RTN4: variants seen among roughly 807,000 people sequenced by gnomAD.
The protein encoded by RTN4 is reticulon-4.
A neutral mutation model predicts 90.4 loss-of-function variants in RTN4; 32 were observed. That is an observed-to-expected ratio of 0.35 (90% CI 0.27 to 0.48). The LOEUF (loss-of-function observed/expected upper bound fraction) is 0.48, where lower values mean the gene tolerates loss of function less well. Ranked by LOEUF, RTN4 falls within the 20% of genes least tolerant of loss-of-function variation. RTN4 has a pLI of 0.99. For synonymous variants in RTN4, 629 were observed against 552.5 expected (o/e 1.14, Z -1.94); for missense variants, 1,706 against 1,430.2 (o/e 1.19, Z -3.11).
chr2:55,135,695 G>A, the RTN4 span, among the ~76,000 whole-genome samples: 4 of 151,962 alleles, frequency 2.6e-5, no homozygotes, highest in African/African-American at 9.7e-5. Flanking sequence ...GAACATCTCC[G>A]TCAACCCCAA....
chr2:55,098,468 T>A (rs1368645805), intron 1 of RTN4, among the ~76,000 whole-genome samples: 2 of 152,084 alleles, frequency 1.3e-5, no homozygotes, highest in Admixed American at 1.3e-4. Context: ...CAACGCAGGG[T>A]CAATTCTCTT....
At chr2:55,132,138 C>T in the RTN4 span, among the ~76,000 whole-genome samples, 1 of 152,122 alleles carries the variant, frequency 6.6e-6, no homozygotes, top group South Asian at 2.1e-4. Flanking sequence ...AATGGCAGTA[C>T]GTTAATTGCT....
chr2:55,121,427 G>A, the RTN4 span, among the ~76,000 whole-genome samples: 2 of 152,350 alleles, frequency 1.3e-5, no homozygotes, highest in Middle Eastern at 3.4e-3. Flanking sequence ...CTCAAGAGAC[G>A]TCAGCCCAAG....
At chr2:55,068,074 A>G (rs1261231371) in intron 2 of RTN4, among the ~76,000 whole-genome samples, 1 of 152,216 alleles carries the variant, frequency 6.6e-6, no homozygotes, top group African/African-American at 2.4e-5. Context: ...GTATATGAAG[A>G]AAATTTGGCC....
intron 3 of RTN4, among the ~76,000 whole-genome samples, chr2:54,992,796 G>A (rs577288225): frequency 2.0e-5 from 3 of 152,064 alleles, no homozygotes; most frequent in South Asian, 2.1e-4. Context: ...ATGGCCGGGC[G>A]TGGTGGCTCA....
intron 3 of RTN4, among the ~76,000 whole-genome samples, chr2:55,009,095 A>G (rs1449578799): frequency 6.6e-6 from 1 of 152,178 alleles, no homozygotes; most frequent in Non-Finnish European, 1.5e-5. Flanking sequence ...ACAAATTTTT[A>G]AAAAGACATT....
chr2:55,001,516 T>C (rs1679851148), intron 3 of RTN4, among the ~76,000 whole-genome samples: 1 of 152,222 alleles, frequency 6.6e-6, no homozygotes, highest in African/African-American at 2.4e-5. Flanking sequence ...TCTTCAAAAT[T>C]AATCCAAGCT....
In RTN4 at chr2:55,093,396, A is replaced by T. The variant is rs533803976; in HGVS notation, c.-213-12757T>A. 4.9e-5 allele frequency among the ~76,000 whole-genome samples: 4 copies of T among 82,178 alleles called. No homozygotes were observed. The South Asian group carries it at 1.3e-3, about 26-fold the overall frequency. The allele number at this position is 82,178 out of a possible 152,430, so 53.9% of individuals were successfully genotyped here. On this transcript the variant is annotated intron_variant, in intron 1 of 3. Coordinates refer to the RTN4 transcript ENST00000427710. ...TAAATAATTTATTCTATATATATTT[A>T]ATTTATTTTATATATATATAGAATA...
At chr2:55,114,390 A>C, upstream of RTN4, among the ~76,000 whole-genome samples, 1 of 152,134 alleles carries the variant, frequency 6.6e-6, no homozygotes, top group East Asian at 1.9e-4. Context: ...AGTCCAGGTC[A>C]TGTTTGATGT....
upstream of RTN4, among the ~76,000 whole-genome samples, chr2:55,113,170 G>C (rs1668068035): frequency 1.3e-5 from 2 of 152,174 alleles, no homozygotes; most frequent in East Asian, 3.9e-4. Flanking sequence ...AAATAAAAAG[G>C]CCACCACCAA....
At chr2:55,122,860 C>T in the RTN4 span, among the ~76,000 whole-genome samples, 1 of 152,356 alleles carries the variant, frequency 6.6e-6, no homozygotes, top group African/African-American at 2.4e-5. Flanking sequence ...CCAGCCAGAG[C>T]CCTGGGACAG....
In RTN4 at chr2:55,026,083, T is replaced by A; in HGVS notation, c.2016A>T (p.Gly672=). The A allele has an allele frequency of 6.2e-7, 1 of 1,611,372 alleles. No individual in the cohort carries two copies. Among genetic ancestry groups the A allele is most frequent in the Non-Finnish European group, 8.5e-7 (1 of 1,179,372 alleles). ...AMSVSLKKVS[G]IKEEIKEPEN... ...CAGGCTCTTTAATTTCTTCCTTTAT[T>A]CCTGATACTTTTTTTAGTGATACAC... Residue 672 remains glycine (G), a synonymous_variant, in exon 3 of 9, where the codon GGA becomes GGT. Coordinates refer to ENST00000337526, the MANE Select transcript of RTN4 (RefSeq NM_020532.5).
intron 3 of RTN4, among the ~76,000 whole-genome samples, chr2:55,005,496 A>C (rs1223344315): frequency 6.6e-6 from 1 of 152,196 alleles, no homozygotes; most frequent in Non-Finnish European, 1.5e-5. Flanking sequence ...CATGATAGAC[A>C]CTCACATTCA....
rs772482309 is a variant in RTN4 at position 55,027,446 on chromosome 2, G to C, written c.653C>G (p.Ser218Trp). ...AGATGGGAAATCCTCTTGACCAGCC[G>C]AAATAGTGTTACCTGGCTGCTCCTT... ...DLKEQPGNTI[S>W]AGQEDFPSVL... The change falls in exon 3 of 9, where the codon TCG becomes TGG. Residue 218 changes from serine to tryptophan, a missense_variant. Ser to Trp is a radical substitution (Grantham distance 177). Coordinates refer to ENST00000337526, the MANE Select transcript of RTN4 (RefSeq NM_020532.5). 1 of 1,612,254 alleles carries C rather than the reference G, an allele frequency of 6.2e-7. No homozygotes were observed. Among genetic ancestry groups the C allele is most frequent in the East Asian group, 2.2e-5 (1 of 44,870 alleles).
intron 2 of RTN4, among the ~76,000 whole-genome samples, chr2:55,076,360 G>C (rs1668598754): frequency 6.7e-6 from 1 of 148,230 alleles, no homozygotes; most frequent in African/African-American, 2.5e-5. Context: ...ATATGGTTTG[G>C]CTGTGTCCCC....
In RTN4 at chr2:54,980,236, T is replaced by A. The variant is rs1009631114; in HGVS notation, c.3360+2279A>T. 5.3e-5 allele frequency among the ~76,000 whole-genome samples: 8 copies of A among 152,304 alleles called. No individual in the cohort carries two copies. In the East Asian group the frequency reaches 9.7e-4, roughly 18 times the overall value. On this transcript the variant is annotated intron_variant, in intron 5 of 8. Coordinates refer to ENST00000337526, the MANE Select transcript of RTN4 (RefSeq NM_020532.5). Reference sequence around the variant, plus strand: ...AGAAATTATTTCTCAAAACTTTTTTTAAAAAGTCCTCATATTCGATTCTCA... The same window carrying A: ...AGAAATTATTTCTCAAAACTTTTTTAAAAAAGTCCTCATATTCGATTCTCA...
intron 1 of RTN4, among the ~76,000 whole-genome samples, chr2:55,110,035 G>A (rs115122235): frequency 0.023 from 3,538 of 152,232 alleles, 58 homozygotes; most frequent in Non-Finnish European, 0.036. Context: ...AGGGCTGGGC[G>A]TGGTGGTTCA....
the RTN4 span, among the ~76,000 whole-genome samples, chr2:55,122,180 T>G: frequency 6.6e-6 from 1 of 152,130 alleles, no homozygotes; most frequent in East Asian, 1.9e-4. Context: ...GATTTTGCCA[T>G]GTTGCCCAGG....
At chr2:55,043,246 T>C (rs1683193224) in intron 1 of RTN4, among the ~76,000 whole-genome samples, 1 of 152,178 alleles carries the variant, frequency 6.6e-6, no homozygotes, top group African/African-American at 2.4e-5. Context: ...ACCTGATCCC[T>C]TTAGAAACAG....
Sources: allele counts gnomAD v4.1 joint callset (sites outside exome capture counted in the v4.1 genomes callset), GRCh38; gene constraint gnomAD v4.1.1; transcripts MANE v1.5; gene names NCBI Gene and HGNC (gene_info 2026-07-23, HGNC 2026-07-21).